Variants in CSTPP1 observed in about 807,000 individuals in gnomAD.
The protein encoded by CSTPP1 is UPF0705 protein C11orf49.
At chr11:47,059,150 C>T in the CSTPP1 span, among the ~76,000 whole-genome samples, 1 of 152,038 alleles carries the variant, frequency 6.6e-6, no homozygotes, top group South Asian at 2.1e-4. Flanking sequence ...AATGAGAACA[C>T]GATGGACACA....
chr11:47,112,947 C>T, the CSTPP1 span, among the ~76,000 whole-genome samples: 1 of 152,128 alleles, frequency 6.6e-6, no homozygotes, highest in Admixed American at 6.5e-5. Flanking sequence ...CCCGTCAACT[C>T]ATCATTTACA....
the CSTPP1 span, among the ~76,000 whole-genome samples, chr11:46,951,959 G>T: frequency 6.6e-6 from 1 of 152,118 alleles, no homozygotes; most frequent in Non-Finnish European, 1.5e-5. Context: ...GAGTCAGTAA[G>T]CTGTTGAGGT....
At chr11:47,049,591 A>G in the CSTPP1 span, among the ~76,000 whole-genome samples, 2 of 152,026 alleles carry the variant, frequency 1.3e-5, no homozygotes, top group African/African-American at 4.8e-5. Flanking sequence ...CAGTGAGCCA[A>G]GATGGGGCCA....
chr11:47,052,702 TGAG>T, the CSTPP1 span: 1 of 736,114 alleles, frequency 1.4e-6, no homozygotes, highest in Non-Finnish European at 2.1e-6. Flanking sequence ...ACCTCACTTT[TGAG>T]GAGTTGTCTG....
chr11:47,059,001 A>G, the CSTPP1 span, among the ~76,000 whole-genome samples: 1 of 152,220 alleles, frequency 6.6e-6, no homozygotes, highest in Non-Finnish European at 1.5e-5. Flanking sequence ...ACCACAGAAT[A>G]CTATGCAGCC....
chr11:46,966,794 G>C, the CSTPP1 span, among the ~76,000 whole-genome samples: 395 of 152,292 alleles, frequency 2.6e-3, 20 homozygotes, highest in Admixed American at 0.026. Context: ...AATATTTACT[G>C]TATCTTCAAG....
chr11:47,099,085 G>A, the CSTPP1 span, among the ~76,000 whole-genome samples: 4 of 151,334 alleles, frequency 2.6e-5, no homozygotes, highest in Non-Finnish European at 5.9e-5. Context: ...CTCTAAAAGC[G>A]CTTCTGAAAA....
chr11:47,107,579 T>G, the CSTPP1 span, among the ~76,000 whole-genome samples: 1 of 152,210 alleles, frequency 6.6e-6, no homozygotes, highest in African/African-American at 2.4e-5. Context: ...ACCAGTTTCC[T>G]GTTTGGACAG....
chr11:46,991,177 T>G, the CSTPP1 span, among the ~76,000 whole-genome samples: 1 of 150,412 alleles, frequency 6.6e-6, no homozygotes, highest in Non-Finnish European at 1.5e-5. Context: ...TGAACTCAAG[T>G]TCATCTTTCT....
the CSTPP1 span, among the ~76,000 whole-genome samples, chr11:47,117,691 G>C: frequency 1.3e-5 from 2 of 151,974 alleles, no homozygotes; most frequent in East Asian, 3.8e-4. Context: ...TGCTAGGTTG[G>C]GGAAGTTCTC....
the CSTPP1 span, among the ~76,000 whole-genome samples, chr11:47,152,894 T>C: frequency 6.6e-6 from 1 of 152,130 alleles, no homozygotes; most frequent in Non-Finnish European, 1.5e-5. Flanking sequence ...CACTTTAGAC[T>C]ATTGGGGCTC....
chr11:47,084,197 G>A, the CSTPP1 span, among the ~76,000 whole-genome samples: 1 of 152,116 alleles, frequency 6.6e-6, no homozygotes, highest in Non-Finnish European at 1.5e-5. Flanking sequence ...TTGGTCATTT[G>A]TATATCTTCC....
At chr11:47,113,357 G>C in the CSTPP1 span, among the ~76,000 whole-genome samples, 14 of 152,282 alleles carry the variant, frequency 9.2e-5, no homozygotes, top group African/African-American at 3.1e-4. Flanking sequence ...TATATACCTA[G>C]TAATGGGATG....
chr11:47,154,663 T>G, the CSTPP1 span, among the ~76,000 whole-genome samples: 1 of 152,120 alleles, frequency 6.6e-6, no homozygotes, highest in East Asian at 1.9e-4. Flanking sequence ...GCGGTGTCTG[T>G]CGCTGTTCTG....
chr11:47,059,197 G>A, the CSTPP1 span, among the ~76,000 whole-genome samples: 2 of 152,148 alleles, frequency 1.3e-5, no homozygotes, highest in Non-Finnish European at 2.9e-5. Flanking sequence ...CTGTTGGGGG[G>A]CTGGGGGGTG....
At chr11:47,033,929 G>A in the CSTPP1 span, among the ~76,000 whole-genome samples, 1 of 152,004 alleles carries the variant, frequency 6.6e-6, no homozygotes, top group Non-Finnish European at 1.5e-5. Flanking sequence ...TGGGTTCTGG[G>A]TGGCCAGGGA....
chr11:47,134,453 G>T, the CSTPP1 span, among the ~76,000 whole-genome samples: 1 of 152,218 alleles, frequency 6.6e-6, no homozygotes, highest in African/African-American at 2.4e-5. Context: ...GCCTCGCAAA[G>T]TGCTGGGATT....
the CSTPP1 span, among the ~76,000 whole-genome samples, chr11:47,162,928 C>T: frequency 6.6e-6 from 1 of 152,140 alleles, no homozygotes; most frequent in Non-Finnish European, 1.5e-5. Flanking sequence ...GCCTGTAATC[C>T]CAGCACTTTG....
chr11:46,980,341 T>C, the CSTPP1 span, among the ~76,000 whole-genome samples: 1 of 152,248 alleles, frequency 6.6e-6, no homozygotes, highest in African/African-American at 2.4e-5. Flanking sequence ...GCGTGTCTTT[T>C]AGTATTTGAG....
Sources: allele counts gnomAD v4.1 joint callset (sites outside exome capture counted in the v4.1 genomes callset), GRCh38; gene constraint gnomAD v4.1.1; transcripts MANE v1.5; gene names NCBI Gene and HGNC (gene_info 2026-07-23, HGNC 2026-07-21).